Variants in GASK1A observed in about 807,000 individuals in gnomAD.
GASK1A encodes Golgi-associated kinase 1A.
GASK1A carries 40 observed loss-of-function variants against 41.2 expected under a neutral mutation model. The ratio of observed to expected loss-of-function variants is 0.97; its 90% CI spans 0.75 to 1.27. The LOEUF is 1.27. GASK1A is among the 50% of genes most tolerant of loss of function. The pLI, the probability that GASK1A is intolerant of heterozygous loss-of-function variation, is 0.00. For missense variants in GASK1A, 678 were observed against 745.1 expected, an observed-to-expected ratio of 0.91 and a Z score of 1.05; for synonymous variants, 316 against 307.1, an observed-to-expected ratio of 1.03 and a Z score of -0.30.
intron 2 of GASK1A, among the ~76,000 whole-genome samples, chr3:43,034,420 CTG>C (rs1238732168): frequency 6.6e-6 from 1 of 152,210 alleles, no homozygotes; most frequent in Non-Finnish European, 1.5e-5. Flanking sequence ...ACTAACTTGT[CTG>C]TTAACAACCA....
chr3:42,980,546 CT>C (rs1409700837), intron 1 of GASK1A, among the ~76,000 whole-genome samples: 1 of 152,122 alleles, frequency 6.6e-6, no homozygotes, highest in East Asian at 1.9e-4. Context: ...ACTGGAGATG[CT>C]TTGTGGGGAG....
intron 1 of GASK1A, among the ~76,000 whole-genome samples, chr3:43,022,504 AAC>A (rs1473307426): frequency 6.7e-6 from 1 of 150,348 alleles, no homozygotes; most frequent in Non-Finnish European, 1.5e-5. Flanking sequence ...AAAAAAAAAA[AAC>A]CAAGCCAACT....
Position 43,046,533 on chromosome 3 carries a change from T to G in GASK1A, c.1291-6988T>G, listed in dbSNP as rs1298514509. On this transcript the variant is annotated intron_variant, in intron 2 of 4. Coordinates refer to ENST00000430121, the MANE Select transcript of GASK1A (RefSeq NM_001129908.3). ...TTGGAATTGGAACTTATAATTAAGA[T>G]GGAATCAGAGCATAAAAGTTTGGAA... 2.6e-5 allele frequency among the ~76,000 whole-genome samples: 4 copies of G among 152,172 alleles called. No individual in the cohort carries two copies. The East Asian group carries it at 5.8e-4, about 22-fold the overall frequency.
At chr3:42,999,434 T>G (rs2089396714) in intron 1 of GASK1A, among the ~76,000 whole-genome samples, 1 of 152,196 alleles carries the variant, frequency 6.6e-6, no homozygotes, top group Admixed American at 6.5e-5. Flanking sequence ...CCTGCCTCCC[T>G]GCTGTTTCTC....
intron 2 of GASK1A, among the ~76,000 whole-genome samples, chr3:43,039,140 C>G (rs956309625): frequency 2.7e-5 from 4 of 146,894 alleles, no homozygotes; most frequent in African/African-American, 1.0e-4. Context: ...ATTTTCTTCT[C>G]TTTTTTTAAA....
In GASK1A at chr3:42,980,839, T is replaced by TG. The variant is rs1245124044; in HGVS notation, c.3+1199dup. On this transcript the variant is annotated intron_variant, in intron 1 of 4. Transcript: ENST00000430121. ...CTTAAGCTTCAAAAGGGGGAATGAT[T>TG]GGGGGTACAGGATGTGAAACGAAAA... Among the ~76,000 whole-genome samples the TG allele has an allele frequency of 2.0e-5, 3 of 152,052 alleles. No homozygotes were observed. In the East Asian group the frequency reaches 5.8e-4, roughly 29 times the overall value.
At chr3:43,005,127 G>A (rs1290169012) in intron 1 of GASK1A, among the ~76,000 whole-genome samples, 1 of 152,156 alleles carries the variant, frequency 6.6e-6, no homozygotes. Flanking sequence ...AAGGATACTT[G>A]TGATTACATC....
In GASK1A at chr3:43,008,166, G is replaced by C. The variant is rs954967665; in HGVS notation, c.4-24101G>C. On this transcript the variant is annotated intron_variant, in intron 1 of 4. Transcript: ENST00000430121. ...TAAGAAACTGACATAAGCTGTCTAT[G>C]CCTCAGTTTCCTCAGCTTCCCAATG... Among the ~76,000 whole-genome samples the C allele has an allele frequency of 3.9e-5, 6 of 152,352 alleles. No homozygotes were observed. In the East Asian group the frequency reaches 9.6e-4, roughly 24 times the overall value.
intron 2 of GASK1A, among the ~76,000 whole-genome samples, chr3:43,050,276 G>A (rs570597975): frequency 1.5e-4 from 23 of 152,068 alleles, no homozygotes; most frequent in African/African-American, 5.5e-4. Flanking sequence ...TTGAAGGATA[G>A]TTTTGCTGTA....
chr3:43,054,155 C>A (rs908257314), intron 3 of GASK1A: 4 of 211,940 alleles, frequency 1.9e-5, no homozygotes, highest in Non-Finnish European at 3.9e-5. Context: ...GGCAGAATAG[C>A]CACTTCTTCT....
At chr3:43,045,917 C>T (rs1349690248) in intron 2 of GASK1A, among the ~76,000 whole-genome samples, 2 of 152,188 alleles carry the variant, frequency 1.3e-5, no homozygotes, top group Non-Finnish European at 2.9e-5. Context: ...CTTGCTTTCC[C>T]TTCATCTTCT....
intron 2 of GASK1A, among the ~76,000 whole-genome samples, chr3:43,041,153 T>A (rs2089635237): frequency 6.7e-6 from 1 of 150,122 alleles, no homozygotes; most frequent in South Asian, 2.1e-4. Context: ...GTTCCAAGTC[T>A]TTGCTATTGT....
chr3:43,012,725 G>A (rs1391476688), intron 1 of GASK1A, among the ~76,000 whole-genome samples: 1 of 150,620 alleles, frequency 6.6e-6, no homozygotes, highest in African/African-American at 2.5e-5. Context: ...GAAGTCACAG[G>A]AAGGGAAGTG....
intron 1 of GASK1A, among the ~76,000 whole-genome samples, chr3:43,008,922 G>A (rs517650): frequency 0.32 from 49,095 of 152,114 alleles, 9,238 homozygotes; most frequent in East Asian, 0.55. Flanking sequence ...GAGAGAGTGC[G>A]GCATGGGGCA....
At chr3:43,054,345 G>A (rs1318802743) in intron 3 of GASK1A, 4 of 153,414 alleles carry the variant, frequency 2.6e-5, no homozygotes, top group Admixed American at 6.5e-5. Flanking sequence ...GTGGTGCTGG[G>A]AATTCTCCTC....
rs747811986 is a variant in GASK1A at position 43,053,540 on chromosome 3, G to A, written c.1310G>A (p.Arg437His). The A allele has an allele frequency of 5.8e-6, 9 of 1,549,804 alleles. No homozygotes were observed. The highest frequency in any genetic ancestry group is 2.4e-5 in the East Asian group (1 of 40,856). Residue 437 changes from arginine (R) to histidine (H), a missense_variant, in exon 3 of 5, where the codon CGC becomes CAC. Coordinates refer to ENST00000430121, the MANE Select transcript of GASK1A (RefSeq NM_001129908.3). The stretch of plus-strand genomic sequence containing the variant: ...CCACAGGTCCACGACCGCTTGGATC[G>A]CTACTGCTGTGGCTTCGAGCCTGAG... ...FLLQVHDRLDRYCCGFEPEPS... is the reference protein window; with the variant it reads ...FLLQVHDRLDHYCCGFEPEPS...
Position 43,053,658 on chromosome 3 carries a change from C to G in GASK1A, c.1413+15C>G. The stretch of plus-strand genomic sequence containing the variant: ...TCCACATCCTGGTACGTCTCCTCCA[C>G]ACCATCCCCTTGTCACCCCAGACCC... On this transcript the variant is annotated intron_variant, in intron 3 of 4. Transcript: ENST00000430121. 6.4e-7 allele frequency: 1 copy of G among 1,551,708 alleles called. No individual in the cohort carries two copies. The highest frequency in any genetic ancestry group is 2.0e-5 in the Admixed American group (1 of 51,014).
In GASK1A at chr3:43,032,685, A is replaced by T; in HGVS notation, c.422A>T (p.Asp141Val). 3 of 1,551,658 alleles carry T rather than the reference A, an allele frequency of 1.9e-6. No individual in the cohort carries two copies. The highest frequency in any genetic ancestry group is 1.7e-4 in the Middle Eastern group (1 of 5,992). Reference sequence around the variant, plus strand: ...CAGCATGTTGTGCTCCTGAGGGAGGATGAGGTTGGAGATCCAGGAACCAAA... The same window carrying T: ...CAGCATGTTGTGCTCCTGAGGGAGGTTGAGGTTGGAGATCCAGGAACCAAA... Reference protein sequence around the residue: ...STQHVVLLREDEVGDPGTKDL... With the variant: ...STQHVVLLREVEVGDPGTKDL... Residue 141 changes from aspartate to valine, a missense_variant, in exon 2 of 5, where the codon GAT (aspartate) becomes GTT (valine). By Grantham distance (152) the Asp-to-Val change is radical (BLOSUM62 -3). Coordinates refer to ENST00000430121, the MANE Select transcript of GASK1A (RefSeq NM_001129908.3).
intron 1 of GASK1A, among the ~76,000 whole-genome samples, chr3:42,988,703 T>A (rs1350299088): frequency 1.3e-5 from 2 of 152,246 alleles, no homozygotes; most frequent in Non-Finnish European, 2.9e-5. Flanking sequence ...TCTTCTGAGC[T>A]GGGTTTCGTC....
Sources: allele counts gnomAD v4.1 joint callset (sites outside exome capture counted in the v4.1 genomes callset), GRCh38; gene constraint gnomAD v4.1.1; transcripts MANE v1.5; gene names NCBI Gene and HGNC (gene_info 2026-07-23, HGNC 2026-07-21).